INPP4A: variants seen among roughly 807,000 people sequenced by gnomAD.
INPP4A encodes inositol polyphosphate-4-phosphatase, type I, 107kD.
INPP4A carries 33 observed loss-of-function variants against 119.8 expected under a neutral mutation model. The ratio of observed to expected loss-of-function variants is 0.28; its 90% CI spans 0.21 to 0.37. The LOEUF is 0.37. INPP4A is among the 10% of genes least tolerant of loss of function. INPP4A has a pLI of 1.00. For synonymous variants in INPP4A, 496 were observed against 500.7 expected, an observed-to-expected ratio of 0.99 and a Z score of 0.12; for missense variants, 956 against 1,289.9, an observed-to-expected ratio of 0.74 and a Z score of 3.97.
chr2:98,581,742 T>G, intron 24 of INPP4A: 1 of 1,608,660 alleles, frequency 6.2e-7, no homozygotes, highest in South Asian at 1.1e-5. Context: ...GGTGACCAAA[T>G]TGCGTTGCAA....
intron 2 of INPP4A, 166 bp downstream of exon 2, chr2:98,519,191 G>C (rs1686708582): frequency 6.6e-6 from 1 of 152,238 alleles, no homozygotes; most frequent in African/African-American, 2.4e-5. Flanking sequence ...AACTTGTAAA[G>C]GTTGGTTCTT....
intron 10 of INPP4A, among the ~76,000 whole-genome samples, chr2:98,543,310 G>T (rs891206269): frequency 6.6e-6 from 1 of 152,216 alleles, no homozygotes; most frequent in Non-Finnish European, 1.5e-5. Flanking sequence ...GGCTGCAGCT[G>T]AGCGGTTTTA....
intron 24 of INPP4A, among the ~76,000 whole-genome samples, chr2:98,580,928 G>A (rs1699206361): frequency 6.6e-6 from 1 of 152,218 alleles, no homozygotes; most frequent in South Asian, 2.1e-4. Flanking sequence ...TTCCACCCTT[G>A]GGGATGCTTT....
chr2:98,562,548 T>G (rs1383479794), intron 17 of INPP4A, among the ~76,000 whole-genome samples: 1 of 152,204 alleles, frequency 6.6e-6, no homozygotes, highest in Non-Finnish European at 1.5e-5. Context: ...CTAAGGGGCA[T>G]GTACTGCCTG....
At chr2:98,506,079 G>A (rs1226169439) in intron 1 of INPP4A, among the ~76,000 whole-genome samples, 1 of 152,208 alleles carries the variant, frequency 6.6e-6, no homozygotes, top group Non-Finnish European at 1.5e-5. Flanking sequence ...TCTCTAGGAA[G>A]CCCTGTTTCC....
intron 1 of INPP4A, among the ~76,000 whole-genome samples, chr2:98,451,668 C>T (rs950487370): frequency 6.6e-6 from 1 of 152,122 alleles, no homozygotes; most frequent in African/African-American, 2.4e-5. Flanking sequence ...GTTATGGAAG[C>T]TGTCTATTAT....
intron 1 of INPP4A, among the ~76,000 whole-genome samples, chr2:98,486,434 G>C (rs1679549098): frequency 6.6e-6 from 1 of 152,142 alleles, no homozygotes; most frequent in African/African-American, 2.4e-5. Flanking sequence ...GTTATCTTCT[G>C]AAAGATGAGG....
chr2:98,576,739 G>T (rs1479442831), intron 23 of INPP4A, among the ~76,000 whole-genome samples: 9 of 152,242 alleles, frequency 5.9e-5, no homozygotes, highest in African/African-American at 2.2e-4. Flanking sequence ...ACAGGGGATG[G>T]CAGGGATGAT....
intron 20 of INPP4A, 84 bp downstream of exon 20, chr2:98,565,850 T>A (rs768056661): frequency 1.3e-6 from 2 of 1,562,294 alleles, no homozygotes; most frequent in Non-Finnish European, 1.7e-6. Context: ...TCTGAATTTT[T>A]TATCCTATTT....
chr2:98,526,411 TACAG>T (rs796950986), intron 4 of INPP4A, among the ~76,000 whole-genome samples: 17 of 152,342 alleles, frequency 1.1e-4, no homozygotes, highest in African/African-American at 3.8e-4. Context: ...GAGAAGATAT[TACAG>T]AGAACCAAAA....
At chr2:98,507,300 T>C (rs1684260332) in intron 1 of INPP4A, among the ~76,000 whole-genome samples, 1 of 152,250 alleles carries the variant, frequency 6.6e-6, no homozygotes, top group Non-Finnish European at 1.5e-5. Context: ...TAGATCACTT[T>C]TTTTCTAATT....
At chr2:98,500,395 T>C (rs1682884876) in intron 1 of INPP4A, among the ~76,000 whole-genome samples, 1 of 152,176 alleles carries the variant, frequency 6.6e-6, no homozygotes, top group East Asian at 1.9e-4. Flanking sequence ...CTGTCCTCCA[T>C]GCATCCTGCT....
chr2:98,496,381 CA>C (rs1241949553), intron 1 of INPP4A, among the ~76,000 whole-genome samples: 1 of 152,102 alleles, frequency 6.6e-6, no homozygotes, highest in Non-Finnish European at 1.5e-5. Flanking sequence ...AACTCAAAAT[CA>C]ATTAAATACT....
chr2:98,554,455 C>T lies in INPP4A; in HGVS notation c.1532C>T (p.Ser511Phe), dbSNP rs1295231848. The change falls in exon 15 of 25, where the codon TCT becomes TTT. Residue 511 changes from serine to phenylalanine, a missense_variant. Physicochemically the swap from Ser to Phe is radical, Grantham distance 155 (BLOSUM62 -2). Transcript: ENST00000409851. This position sits in a 1 kb window ranked among gnomAD's most constrained non-coding sequence, Gnocchi z 4.7. ...CGGTGGACAGGGAGAAACAGCCGAT[C>T]TTCCCTGCAGGTGGACTGGCACGAG... ...MARWTGRNSR[S>F]SLQVDWHEEE... 6.2e-7 allele frequency: 1 copy of T among 1,613,762 alleles called. No individual in the cohort carries two copies. Among genetic ancestry groups the T allele is most frequent in the East Asian group, 2.2e-5 (1 of 44,902 alleles).
At chr2:98,533,048 T>C (rs967353413) in intron 4 of INPP4A, among the ~76,000 whole-genome samples, 2 of 152,196 alleles carry the variant, frequency 1.3e-5, no homozygotes, top group African/African-American at 4.8e-5. Flanking sequence ...TGGTTAGAGT[T>C]GGAATAGTTA....
chr2:98,523,972 A>G (rs185247139), intron 4 of INPP4A, among the ~76,000 whole-genome samples: 5 of 152,238 alleles, frequency 3.3e-5, no homozygotes, highest in Admixed American at 2.6e-4. Flanking sequence ...TGCTCTTGAC[A>G]TTCTTTTTTC....
chr2:98,543,673 G>C (rs1388629179), intron 10 of INPP4A, among the ~76,000 whole-genome samples: 1 of 152,184 alleles, frequency 6.6e-6, no homozygotes, highest in Non-Finnish European at 1.5e-5. Flanking sequence ...CTGCCACGTG[G>C]TCAGTGGTCT....
intron 21 of INPP4A, among the ~76,000 whole-genome samples, chr2:98,568,101 A>G (rs1287189369): frequency 1.3e-5 from 2 of 152,208 alleles, no homozygotes; most frequent in Middle Eastern, 6.4e-3. Context: ...CGATGACGAA[A>G]GGGCAAGGGC....
chr2:98,568,554 C>T lies in INPP4A; in HGVS notation c.2421-17C>T, dbSNP rs574119294. 3.5e-6 allele frequency: 5 copies of T among 1,411,922 alleles called. No homozygotes were observed. In the Admixed American group the frequency reaches 9.3e-5, roughly 26 times the overall value. The allele number at this position is 1,411,922 out of a possible 1,614,324, so 87.5% of individuals were successfully genotyped here. Reference sequence around the variant, plus strand: ...GTGACATTAGCCAACTAATGGCATCCCCTATAACCTCCCAAGGTTTGGCGA... The same window carrying T: ...GTGACATTAGCCAACTAATGGCATCTCCTATAACCTCCCAAGGTTTGGCGA... On this transcript the variant is annotated splice_polypyrimidine_tract_variant and intron_variant, in intron 21 of 24. Transcript: ENST00000409851.
Sources: gnomAD v4.1 joint callset for allele counts (sites outside exome capture counted in the v4.1 genomes callset) on GRCh38, gnomAD v4.1.1 for gene constraint, Gnocchi (gnomAD v3.1) non-coding constraint, MANE v1.5 for transcripts, NCBI Gene and HGNC (gene_info 2026-07-23, HGNC 2026-07-21) for gene names.